TAMM41: variants seen among roughly 807,000 people sequenced by gnomAD.
The protein encoded by TAMM41 is TAM41 mitochondrial translocator assembly and maintenance homolog, also known as phosphatidate cytidylyltransferase, mitochondrial.
In TAMM41, 36 loss-of-function variants were observed where a neutral mutation model predicts 44.1. The ratio of observed to expected loss-of-function variants is 0.82; its 90% CI spans 0.63 to 1.08. The LOEUF is 1.08. TAMM41 is among the 50% of genes least tolerant of loss of function. The pLI, the probability that TAMM41 is intolerant of heterozygous loss-of-function variation, is 0.00. For missense variants in TAMM41, 417 were observed against 404.3 expected, an observed-to-expected ratio of 1.03 and a Z score of -0.27; for synonymous variants, 164 against 153.1, an observed-to-expected ratio of 1.07 and a Z score of -0.53.
chr3:11,821,952 G>A lies in TAMM41; in HGVS notation c.563-4615C>T, dbSNP rs78902575. On this transcript the variant is annotated intron_variant, in intron 4 of 7. Transcript: ENST00000455809. ...CACACCTGACCTCATGCAGTGAGTCGCACATATTATTAAAAATATCATATA... is the reference window on the plus strand; with the variant it reads ...CACACCTGACCTCATGCAGTGAGTCACACATATTATTAAAAATATCATATA... Among the ~76,000 whole-genome samples, 505 of 152,216 alleles carry A rather than the reference G, an allele frequency of 3.3e-3. 3 individuals are homozygous for A. Among genetic ancestry groups the A allele is most frequent in the African/African-American group, 0.012 (485 of 41,526 alleles).
chr3:11,839,193 C>T (rs1234940269), intron 3 of TAMM41, 29 bp downstream of exon 3: 2 of 1,463,030 alleles, frequency 1.4e-6, no homozygotes, highest in East Asian at 2.3e-5. Context: ...GAAAGGCATC[C>T]TTAACTGTGC....
At chr3:11,755,385 C>G in the TAMM41 span, among the ~76,000 whole-genome samples, 2 of 151,998 alleles carry the variant, frequency 1.3e-5, no homozygotes, top group South Asian at 2.1e-4. Flanking sequence ...TGCGGAAGGA[C>G]TAAAGGGATT....
chr3:11,807,861 T>C lies in TAMM41; in HGVS notation c.909A>G (p.Arg303=). Residue 303 remains arginine, a synonymous_variant, in exon 7 of 8, where the codon AGA becomes AGG. Transcript: ENST00000455809. Reference sequence around the variant, plus strand: ...CAGTAAAAATGCCTTTCGTGCTCTGTCTTATACTAGACGGTCTCACGATTG... The same window carrying C: ...CAGTAAAAATGCCTTTCGTGCTCTGCCTTATACTAGACGGTCTCACGATTG... The part of the protein sequence containing the change: ...LSAIVRPSSI[R]QSTKGIFTAG... 6.5e-7 allele frequency: 1 copy of C among 1,536,036 alleles called. No individual in the cohort carries two copies. The highest frequency in any genetic ancestry group is 2.4e-5 in the East Asian group (1 of 40,912).
At chr3:11,749,920 C>T in the TAMM41 span, among the ~76,000 whole-genome samples, 22 of 145,532 alleles carry the variant, frequency 1.5e-4, no homozygotes, top group East Asian at 2.8e-3. Flanking sequence ...TTTTTTTTGA[C>T]GGAGTCTTGC....
chr3:11,728,030 GCCCAC>G, the TAMM41 span, among the ~76,000 whole-genome samples: 3 of 151,532 alleles, frequency 2.0e-5, no homozygotes, highest in Non-Finnish European at 2.9e-5. Context: ...CAGGTGATCC[GCCCAC>G]CTTGACCTCC....
At chr3:11,799,461 T>C (rs1391984346) in intron 7 of TAMM41, among the ~76,000 whole-genome samples, 1 of 152,182 alleles carries the variant, frequency 6.6e-6, no homozygotes, top group Non-Finnish European at 1.5e-5. Flanking sequence ...GTCACAGCCC[T>C]TGGCCATAAT....
chr3:11,749,653 C>T, the TAMM41 span, among the ~76,000 whole-genome samples: 1 of 152,292 alleles, frequency 6.6e-6, no homozygotes, highest in Admixed American at 6.5e-5. Context: ...AGCATAAATA[C>T]ACAAACACAA....
downstream of TAMM41, among the ~76,000 whole-genome samples, chr3:11,789,302 G>A (rs1326582816): frequency 1.3e-5 from 2 of 152,292 alleles, no homozygotes; most frequent in East Asian, 3.9e-4. Context: ...CAAAAAATAA[G>A]TAGACAAGGA....
intron 3 of TAMM41, among the ~76,000 whole-genome samples, chr3:11,835,125 C>T (rs2079125448): frequency 6.6e-6 from 1 of 152,044 alleles, no homozygotes; most frequent in Non-Finnish European, 1.5e-5. Context: ...AGAATTCATA[C>T]TCATATTCTC....
the TAMM41 span, among the ~76,000 whole-genome samples, chr3:11,749,976 C>T: frequency 6.6e-6 from 1 of 150,824 alleles, no homozygotes; most frequent in Non-Finnish European, 1.5e-5. Flanking sequence ...GGGCTCACTG[C>T]AAGCTCCACC....
the TAMM41 span, among the ~76,000 whole-genome samples, chr3:11,733,916 C>T: frequency 6.6e-6 from 1 of 152,132 alleles, no homozygotes; most frequent in Non-Finnish European, 1.5e-5. Flanking sequence ...TGTGCCTCTG[C>T]CAGCCTCTGG....
At chr3:11,743,305 C>G in the TAMM41 span, among the ~76,000 whole-genome samples, 1 of 150,936 alleles carries the variant, frequency 6.6e-6, no homozygotes, top group Non-Finnish European at 1.5e-5. Context: ...TTCTCTGGCC[C>G]TTTCAGAGAT....
At chr3:11,763,185 C>T in the TAMM41 span, among the ~76,000 whole-genome samples, 44 of 152,244 alleles carry the variant, frequency 2.9e-4, no homozygotes, top group Admixed American at 1.1e-3. Flanking sequence ...GTCACCCATG[C>T]TGCAGTGCAG....
At chr3:11,845,310 G>C (rs770608054) in intron 1 of TAMM41, among the ~76,000 whole-genome samples, 1 of 152,112 alleles carries the variant, frequency 6.6e-6, no homozygotes, top group Non-Finnish European at 1.5e-5. Context: ...GAAAGATGTA[G>C]GTGTTGGAAT....
At chr3:11,841,893 C>T (rs6442291) in intron 2 of TAMM41, among the ~76,000 whole-genome samples, 7,850 of 152,250 alleles carry the variant, frequency 0.052, 631 homozygotes, top group African/African-American at 0.18. Context: ...CTTCAGTTTC[C>T]TCAACTGCAA....
At chr3:11,729,538 C>CTTTTTTTT in the TAMM41 span, among the ~76,000 whole-genome samples, 296 of 65,522 alleles carry the variant, frequency 4.5e-3, 69 homozygotes, top group African/African-American at 0.015. Flanking sequence ...TTCTTTCTTT[C>CTTTTTTTT]ATTTTTTTTT....
At chr3:11,845,885 A>C (rs1038456767) in intron 1 of TAMM41, among the ~76,000 whole-genome samples, 1 of 152,238 alleles carries the variant, frequency 6.6e-6, no homozygotes. Flanking sequence ...CCGTTGTTAA[A>C]AGTGCTGAGC....
chr3:11,807,484 G>A lies in TAMM41; in HGVS notation c.937+349C>T, dbSNP rs957244509. ...AGATGGAAGCAGTTGTCTCAGAGAA[G>A]GGGAAGAGGAGGGGGAGCACAGATG... On this transcript the variant is annotated intron_variant, in intron 7 of 7. Transcript: ENST00000455809. 3.3e-6 allele frequency: 5 copies of A among 1,536,028 alleles called. No homozygotes were observed. In the African/African-American group the frequency reaches 5.5e-5, roughly 17 times the overall value.
At chr3:11,737,234 C>T in the TAMM41 span, among the ~76,000 whole-genome samples, 1 of 150,658 alleles carries the variant, frequency 6.6e-6, no homozygotes, top group African/African-American at 2.4e-5. Flanking sequence ...TTCCAGACAC[C>T]CACCCCCACC....
Sources: gnomAD v4.1 joint callset for allele counts (sites outside exome capture counted in the v4.1 genomes callset) on GRCh38, gnomAD v4.1.1 for gene constraint, MANE v1.5 for transcripts, NCBI Gene and HGNC (gene_info 2026-07-23, HGNC 2026-07-21) for gene names.